ARHGEF11: variants seen among roughly 807,000 people sequenced by gnomAD.
ARHGEF11 encodes Rho guanine nucleotide exchange factor 11, also known as Rho guanine exchange factor (GEF) 11.
A neutral mutation model predicts 193.7 loss-of-function variants in ARHGEF11; 55 were observed. That is an observed-to-expected ratio of 0.28 (90% CI 0.23 to 0.36). The LOEUF (loss-of-function observed/expected upper bound fraction) is 0.36. ARHGEF11 is among the 10% of genes least tolerant of loss of function. The probability of loss-of-function intolerance (pLI) is 1.00; values close to 1 mark genes in which losing one functional copy is unlikely to be tolerated. For missense variants in ARHGEF11, 1,723 were observed against 2,005.6 expected (o/e 0.86, Z 2.69); for synonymous variants, 693 against 768.0 (o/e 0.90, Z 1.62).
At chr1:157,005,968 C>T (rs1408364324) in intron 1 of ARHGEF11, among the ~76,000 whole-genome samples, 1 of 152,182 alleles carries the variant, frequency 6.6e-6, no homozygotes, top group Non-Finnish European at 1.5e-5. Flanking sequence ...TTGCATTCTC[C>T]TCTGCTGGCC....
chr1:156,978,183 G>C (rs1311706257), intron 6 of ARHGEF11, 21 bp downstream of exon 6: 1 of 1,614,090 alleles, frequency 6.2e-7, no homozygotes. Context: ...GGTGAGGAAA[G>C]AAAGCCAGGA....
chr1:157,038,978 C>A (rs899898774), intron 1 of ARHGEF11, among the ~76,000 whole-genome samples: 42 of 152,122 alleles, frequency 2.8e-4, no homozygotes, highest in African/African-American at 9.7e-4. Flanking sequence ...CATGATCATG[C>A]CACTGCACTC....
intron 22 of ARHGEF11, among the ~76,000 whole-genome samples, chr1:156,950,198 T>C (rs1658868941): frequency 6.6e-6 from 1 of 152,210 alleles, no homozygotes; most frequent in Admixed American, 6.5e-5. Flanking sequence ...AAATCTAACC[T>C]TTGTCTCCTG....
At chr1:157,003,255 C>T (rs1667417717) in intron 1 of ARHGEF11, among the ~76,000 whole-genome samples, 2 of 152,364 alleles carry the variant, frequency 1.3e-5, no homozygotes, top group South Asian at 2.1e-4. Context: ...AGCATTTTAA[C>T]TTCAGAGCCT....
intron 1 of ARHGEF11, among the ~76,000 whole-genome samples, chr1:157,021,364 C>A (rs1669958017): frequency 6.6e-6 from 1 of 152,178 alleles, no homozygotes; most frequent in Non-Finnish European, 1.5e-5. Flanking sequence ...CATGTCCTTG[C>A]CCTGTAATGC....
intron 27 of ARHGEF11, 35 bp downstream of exon 27, chr1:156,946,898 TCTC>T: frequency 6.2e-7 from 1 of 1,613,398 alleles, no homozygotes; most frequent in Non-Finnish European, 8.5e-7. Flanking sequence ...CCTCCCCCAA[TCTC>T]CTCCTTGCCA....
In ARHGEF11 at chr1:157,044,302, T is replaced by C; in HGVS notation, c.29A>G (p.Asp10Gly). Residue 10 changes from aspartate (D) to glycine (G), a missense_variant, in exon 1 of 41, where the codon GAC becomes GGC. Around this residue, in one of 5 missense-constraint regions of ARHGEF11, gnomAD observed 646 missense variants for 710.7 expected, o/e 0.91. Transcript: ENST00000368194. The stretch of plus-strand genomic sequence containing the variant: ...ATCAAATTATTAGCAAACCTACCTG[T>C]CTATACTCTGGGGTAACCTTACACT... MSVRLPQSI[D>G]RLSSLSSLGD... The C allele has an allele frequency of 1.9e-6, 3 of 1,613,272 alleles. No homozygotes were observed. Among genetic ancestry groups the C allele is most frequent in the Non-Finnish European group, 2.5e-6 (3 of 1,179,792 alleles).
At chr1:157,031,695 A>G (rs1671328894) in intron 1 of ARHGEF11, among the ~76,000 whole-genome samples, 1 of 152,182 alleles carries the variant, frequency 6.6e-6, no homozygotes, top group South Asian at 2.1e-4. Context: ...CCTGAACCCA[A>G]TTTCAAGGGG....
chr1:156,994,826 T>C (rs1666252813), intron 1 of ARHGEF11, among the ~76,000 whole-genome samples: 1 of 151,962 alleles, frequency 6.6e-6, no homozygotes, highest in Non-Finnish European at 1.5e-5. Context: ...AGTTTCCCAA[T>C]AACAAATGTA....
At chr1:156,959,207 G>T in intron 15 of ARHGEF11, 65 bp from the exon 16 acceptor site, 1 of 1,396,762 alleles carries the variant, frequency 7.2e-7, no homozygotes, top group Non-Finnish European at 1.0e-6. Context: ...GATCCCTTCT[G>T]CTGAGCATCT....
At chr1:156,960,560 G>T (rs1395014916) in intron 14 of ARHGEF11, 100 bp from the exon 15 acceptor site, 3 of 1,043,822 alleles carry the variant, frequency 2.9e-6, no homozygotes, top group African/African-American at 1.6e-5. Flanking sequence ...TGAACTTCTT[G>T]CCTTTTCGCC....
intron 35 of ARHGEF11, among the ~76,000 whole-genome samples, chr1:156,941,107 T>G (rs1656788644): frequency 9.7e-6 from 1 of 103,100 alleles, no homozygotes; most frequent in Non-Finnish European, 2.1e-5. Flanking sequence ...ACTGCTCGTC[T>G]TCTTCCACAG....
intron 29 of ARHGEF11, chr1:156,945,664 G>C (rs1482915869): frequency 4.1e-6 from 1 of 246,118 alleles, no homozygotes; most frequent in East Asian, 1.0e-4. Flanking sequence ...TGCCCCTCTA[G>C]TGTAACCACA....
chr1:157,034,915 C>G (rs947082602), intron 1 of ARHGEF11, among the ~76,000 whole-genome samples: 3 of 152,090 alleles, frequency 2.0e-5, no homozygotes, highest in Non-Finnish European at 4.4e-5. Flanking sequence ...TATTAACCAG[C>G]AAAGACTTCC....
At chr1:156,988,563 G>A (rs1200953195) in intron 1 of ARHGEF11, among the ~76,000 whole-genome samples, 2 of 152,170 alleles carry the variant, frequency 1.3e-5, no homozygotes, top group Non-Finnish European at 2.9e-5. Context: ...CCTAGAAGGT[G>A]CATCTGAACC....
chr1:156,957,938 GA>G, intron 17 of ARHGEF11, 123 bp from the exon 18 acceptor site: 2 of 855,632 alleles, frequency 2.3e-6, no homozygotes, highest in Non-Finnish European at 3.9e-6. Context: ...GAAAAGGAGA[GA>G]AGTACGTCTG....
rs1673148138 is a variant in ARHGEF11, at chr1:157,044,621, C to T, written c.-291G>A. On this transcript the variant is annotated 5_prime_UTR_variant, in exon 1 of 41. Coordinates refer to ENST00000368194, the MANE Select transcript of ARHGEF11 (RefSeq NM_198236.3). Reference sequence around the variant, plus strand: ...GGAAAAACTACGACCTTCTCAGAAACCAAAAACCCAGCCACGAATCTCTTC... The same window carrying T: ...GGAAAAACTACGACCTTCTCAGAAATCAAAAACCCAGCCACGAATCTCTTC... 2.0e-6 allele frequency: 1 copy of T among 489,266 alleles called. No individual in the cohort carries two copies. The highest frequency in any genetic ancestry group is 1.9e-5 in the African/African-American group (1 of 51,566). 30.3% of individuals were successfully genotyped at this position (489,266 alleles called of 1,614,324 possible).
rs1658285598 is a variant in ARHGEF11 at position 156,947,109 on chromosome 1, C to T, written c.2489-94G>A. The T allele has an allele frequency of 5.9e-6, 9 of 1,532,128 alleles. No homozygotes were observed. In the East Asian group the frequency reaches 2.0e-4, roughly 35 times the overall value. 94.9% of individuals were successfully genotyped at this position (1,532,128 alleles called of 1,614,324 possible). On this transcript the variant is annotated intron_variant, in intron 26 of 40. Transcript: ENST00000368194. ...GAGAAGTGAATCTCTGACAGCAGTG[C>T]CATGGGAAGGGTCTGGAAACCATTG... is the stretch of plus-strand genomic sequence containing the variant.
Position 156,942,861 on chromosome 1 carries a change from G to GT in ARHGEF11, c.3236-82_3236-81insA, listed in dbSNP as rs556614546. ...CAGCCTGGGCCAGGGTGACAGAGTG[G>GT]GACTCAAAGCCCTGACCCTCAACGC... is the stretch of plus-strand genomic sequence containing the variant. On this transcript the variant is annotated intron_variant, in intron 32 of 40. Transcript: ENST00000368194. 8.2e-3 allele frequency: 9,777 copies of GT among 1,198,026 alleles called. 66 individuals are homozygous for GT. The highest frequency in any genetic ancestry group is 0.01 in the Non-Finnish European group (8,160 of 811,422). 74.2% of individuals were successfully genotyped at this position (1,198,026 alleles called of 1,614,324 possible). A position where few individuals can be genotyped will look rare whatever the true frequency, so the allele number is the denominator to read the frequency against.
Sources: allele counts gnomAD v4.1 joint callset (sites outside exome capture counted in the v4.1 genomes callset), GRCh38; gene constraint gnomAD v4.1.1; regional missense constraint gnomAD v4.1.1; transcripts MANE v1.5; gene names NCBI Gene and HGNC (gene_info 2026-07-23, HGNC 2026-07-21).